Variants in INTS11 observed in about 807,000 individuals in gnomAD.
The protein encoded by INTS11 is CPSF3-like protein.
A neutral mutation model predicts 78.6 loss-of-function variants in INTS11; 77 were observed. That is an observed-to-expected ratio of 0.98 (90% confidence interval 0.81 to 1.18). The LOEUF (loss-of-function observed/expected upper bound fraction) is 1.18. Ranked by LOEUF, INTS11 falls within the 50% of genes most tolerant of loss-of-function variation. INTS11 has a pLI of 0.00. For missense variants in INTS11, 875 were observed against 825.9 expected, an observed-to-expected ratio of 1.06 and a Z score of -0.73; for synonymous variants, 441 against 326.9, an observed-to-expected ratio of 1.35 and a Z score of -3.77.
In INTS11 at chr1:1,313,552, G is replaced by T; in HGVS notation, c.998C>A (p.Ser333Tyr). 6.2e-7 allele frequency: 1 copy of T among 1,612,996 alleles called. No homozygotes were observed. Among genetic ancestry groups the T allele is most frequent in the Non-Finnish European group, 8.5e-7 (1 of 1,180,018 alleles). ...ATPGMLHAGQ[S>Y]LQIFRKWAGN... ...GGCCCATTTCCGGAAGATCTGCAGG[G>T]ACTGCCCAGCGTGCAGCATTCCTGG... is the stretch of plus-strand genomic sequence containing the variant. The change falls in exon 10 of 17, where the codon TCC becomes TAC. Residue 333 changes from serine (S) to tyrosine (Y), a missense_variant. Ser to Tyr is a moderately radical substitution (Grantham distance 144). Coordinates refer to ENST00000435064, the MANE Select transcript of INTS11 (RefSeq NM_017871.6).
At chr1:1,312,762 C>A (rs1198533546) in intron 12 of INTS11, 25 bp downstream of exon 12, 1 of 1,598,518 alleles carries the variant, frequency 6.3e-7, no homozygotes, top group African/African-American at 1.3e-5. Context: ...GAGGTGGGCC[C>A]CACGCCGCCC....
chr1:1,313,427 TGA>T, intron 10 of INTS11, 80 bp downstream of exon 10: 1 of 1,504,186 alleles, frequency 6.6e-7, no homozygotes, highest in Non-Finnish European at 9.2e-7. Flanking sequence ...GCCAAGCCAG[TGA>T]GAGCTCAGAG....
rs1028180429 is a variant in INTS11 at position 1,314,761 on chromosome 1, G to A, written c.702+63C>T. The A allele has an allele frequency of 2.6e-6, 4 of 1,561,582 alleles. No homozygotes were observed. In the African/African-American group the frequency reaches 5.4e-5, roughly 21 times the overall value. On this transcript the variant is annotated intron_variant, in intron 7 of 16. Transcript: ENST00000435064. The surrounding 1 kb of genome is among the most constrained non-coding windows in gnomAD (Gnocchi z 4.2). ...CCTGACCCATGCCAAGGGCAGCCAA[G>A]CCTGCCAGAAAGACCAGCCCAGCAT...
In INTS11 at chr1:1,321,025, A is replaced by G. The variant is rs1034241113; in HGVS notation, c.97T>C (p.Cys33Arg). 1.2e-6 allele frequency: 2 copies of G among 1,613,162 alleles called. No homozygotes were observed. Among genetic ancestry groups the G allele is most frequent in the Non-Finnish European group, 1.7e-6 (2 of 1,179,938 alleles). Reference sequence around the variant, plus strand: ...TCATTGAAGCCCATGTGCATTCCACAGTCCAGCATGACATTCTTGCCCGCA... The same window carrying G: ...TCATTGAAGCCCATGTGCATTCCACGGTCCAGCATGACATTCTTGCCCGCA... ...SIAGKNVMLD[C>R]GMHMGFNDDR... The change falls in exon 2 of 17, where the codon TGT becomes CGT. Residue 33 changes from cysteine to arginine, a missense_variant. Transcript: ENST00000435064.
intron 1 of INTS11, chr1:1,323,350 T>G: frequency 6.7e-7 from 1 of 1,497,262 alleles, no homozygotes; most frequent in Non-Finnish European, 9.0e-7. Context: ...TCCAGCTGTT[T>G]CTGAGACCCT....
chr1:1,319,506 G>A lies in INTS11; in HGVS notation c.219C>T (p.His73=). 1 of 1,584,012 alleles carries A rather than the reference G, an allele frequency of 6.3e-7. No homozygotes were observed. The highest frequency in any genetic ancestry group is 8.6e-7 in the Non-Finnish European group (1 of 1,163,564). ...CVIISHFHLD[H]CGALPYFSEM... ...CGCTGAAGTAGGGGAGTGCCCCGCA[G>A]TGGTCCAGGTGGAAGTGGCTAGGGG... The change falls in exon 4 of 17, where the codon CAC becomes CAT. Residue 73 remains histidine (H), a synonymous_variant. Transcript: ENST00000435064.
At chr1:1,323,546 A>G (rs1049516494) in intron 1 of INTS11, among the ~76,000 whole-genome samples, 1 of 151,000 alleles carries the variant, frequency 6.6e-6, no homozygotes, top group Non-Finnish European at 1.5e-5. Context: ...CTTGAACCAC[A>G]GGCACACACC....
chr1:1,318,319 G>A (rs914648147), intron 4 of INTS11, among the ~76,000 whole-genome samples: 1 of 152,110 alleles, frequency 6.6e-6, no homozygotes, highest in Admixed American at 6.5e-5. Context: ...AGCAAATGTT[G>A]GTGTTACCAG....
intron 3 of INTS11, 50 bp downstream of exon 3, chr1:1,320,406 G>A (rs1642875792): frequency 6.4e-7 from 1 of 1,574,672 alleles, no homozygotes; most frequent in Non-Finnish European, 8.7e-7. Flanking sequence ...GGTGGCCCAA[G>A]CCCCACAGGC....
chr1:1,320,047 CA>C (rs1642852713), intron 3 of INTS11: 1 of 220,076 alleles, frequency 4.5e-6, no homozygotes, highest in Non-Finnish European at 9.1e-6. Flanking sequence ...CAGGGAAGGG[CA>C]GGGGGCCAGC....
intron 4 of INTS11, chr1:1,317,584 G>A (rs770848068): frequency 1.1e-4 from 27 of 249,408 alleles, no homozygotes; most frequent in Non-Finnish European, 1.6e-4. Context: ...GAGCAGGAAC[G>A]GGGCAGAAAC....
rs371636552 is a variant in INTS11 at position 1,313,501 on chromosome 1, G to A, written c.1041+8C>T. On this transcript the variant is annotated splice_region_variant and intron_variant, in intron 10 of 16. Coordinates refer to ENST00000435064, the MANE Select transcript of INTS11 (RefSeq NM_017871.6). ...CTTCCAGATTCCCACACCTCACCATGCCCTCACCATGTTCTTTTCGTTTCC... is the reference window on the plus strand; with the variant it reads ...CTTCCAGATTCCCACACCTCACCATACCCTCACCATGTTCTTTTCGTTTCC... The A allele has an allele frequency of 1.9e-6, 3 of 1,612,682 alleles. No homozygotes were observed. Among genetic ancestry groups the A allele is most frequent in the African/African-American group, 1.3e-5 (1 of 74,946 alleles).
At chr1:1,323,407 CGACTTT>C in intron 1 of INTS11, 1 of 1,162,484 alleles carries the variant, frequency 8.6e-7, no homozygotes. Context: ...TATACTGTTA[CGACTTT>C]GACTTTCTTT....
In INTS11 at chr1:1,315,581, C is replaced by G; in HGVS notation, c.467G>C (p.Gly156Ala). The G allele has an allele frequency of 6.2e-7, 1 of 1,612,356 alleles. No homozygotes were observed. The highest frequency in any genetic ancestry group is 8.5e-7 in the Non-Finnish European group (1 of 1,179,764). Residue 156 changes from glycine (G) to alanine (A), a missense_variant, in exon 5 of 17, where the codon GGC becomes GCC. By Grantham distance (60) the Gly-to-Ala change is moderately conservative. Transcript: ENST00000435064. ...DELEIKAYYAGHVLGAAMFQI... is the reference protein window; with the variant it reads ...DELEIKAYYAAHVLGAAMFQI... The stretch of plus-strand genomic sequence containing the variant: ...GAACATGGCTGCCCCCAGCACGTGG[C>G]CTGCATAGTAGGCCTTGATCTCCAG...
At chr1:1,323,631 G>A (rs150094224) in intron 1 of INTS11, among the ~76,000 whole-genome samples, 1 of 150,156 alleles carries the variant, frequency 6.7e-6, no homozygotes, top group East Asian at 2.0e-4. Flanking sequence ...GGTTGGTCTT[G>A]AACTCCTGGG....
At chr1:1,318,287 G>A (rs912512877) in intron 4 of INTS11, among the ~76,000 whole-genome samples, 2 of 152,152 alleles carry the variant, frequency 1.3e-5, no homozygotes, top group Non-Finnish European at 2.9e-5. Context: ...CAACAAAAAG[G>A]ATAAATATAT....
chr1:1,324,546 C>G, intron 1 of INTS11, 35 bp downstream of exon 1: 3 of 1,583,412 alleles, frequency 1.9e-6, no homozygotes, highest in Non-Finnish European at 2.6e-6. Flanking sequence ...GCATACGGAG[C>G]CCACCCCACA....
Position 1,312,213 on chromosome 1 carries a change from G to GGGGGGGGGGGGGCCCCCCCCCCCCCCC in INTS11, c.1607+12_1607+13insGGGGGGGGGGGGGGGCCCCCCCCCCCC. 5.3e-6 allele frequency: 5 copies of GGGGGGGGGGGGGCCCCCCCCCCCCCCC among 934,610 alleles called. No individual in the cohort carries two copies. Among genetic ancestry groups the GGGGGGGGGGGGGCCCCCCCCCCCCCCC allele is most frequent in the Non-Finnish European group, 6.3e-6 (4 of 636,660 alleles). The allele number at this position is 934,610 out of a possible 1,614,324, so 57.9% of individuals were successfully genotyped here. ...CCCAAGGGAGTGGGGGGGGGGCGGG[G>GGGGGGGGGGGGGCCCCCCCCCCCCCCC]CCGGGCGCCCACCTCTTGAGGTGGC... On this transcript the variant is annotated intron_variant, in intron 15 of 16. Transcript: ENST00000435064.
At chr1:1,321,898 T>TACCCCCCCC in intron 1 of INTS11, 5 of 1,141,978 alleles carry the variant, frequency 4.4e-6, no homozygotes, top group East Asian at 3.2e-5. Flanking sequence ...TCCCCTTGAA[T>TACCCCCCCC]CCCACCCACC....
Sources: allele counts gnomAD v4.1 joint callset (sites outside exome capture counted in the v4.1 genomes callset), GRCh38; gene constraint gnomAD v4.1.1; non-coding constraint Gnocchi (gnomAD v3.1); transcripts MANE v1.5; gene names NCBI Gene and HGNC (gene_info 2026-07-23, HGNC 2026-07-21).